The following HDAC9 variants were observed in gnomAD, a reference collection of about 807,000 sequenced individuals.
The protein encoded by HDAC9 is histone deacetylase 9.
A neutral mutation model predicts 139.4 loss-of-function variants in HDAC9; 41 were observed. That is an observed-to-expected ratio of 0.29 (90% CI 0.23 to 0.38). The LOEUF (loss-of-function observed/expected upper bound fraction) is 0.38, where lower values mean the gene tolerates loss of function less well. Ranked by LOEUF, HDAC9 falls within the 10% of genes least tolerant of loss-of-function variation. The probability of loss-of-function intolerance (pLI) is 1.00; values close to 1 mark genes in which losing one functional copy is unlikely to be tolerated. For synonymous variants in HDAC9, 517 were observed against 476.2 expected (o/e 1.09, Z -1.12); for missense variants, 1,147 against 1,297.0 (o/e 0.88, Z 1.78).
chr7:18,393,499 T>C (rs1469489102), intron 1 of HDAC9, among the ~76,000 whole-genome samples: 1 of 152,118 alleles, frequency 6.6e-6, no homozygotes, highest in Non-Finnish European at 1.5e-5. Context: ...TTTGAAATAT[T>C]TCTAGGTTTA....
At chr7:18,181,457 C>A (rs1366507988) in intron 2 of HDAC9, among the ~76,000 whole-genome samples, 3 of 152,130 alleles carry the variant, frequency 2.0e-5, no homozygotes, top group African/African-American at 7.2e-5. Context: ...TTGCACAGTT[C>A]TGGAGCACAA....
At chr7:18,385,861 A>G (rs765531488) in intron 1 of HDAC9, among the ~76,000 whole-genome samples, 42 of 152,238 alleles carry the variant, frequency 2.8e-4, no homozygotes, top group Non-Finnish European at 5.3e-4. Context: ...AGTATGTTAT[A>G]GAGTGGACGA....
At chr7:18,473,204 T>C (rs1025152343) in intron 1 of HDAC9, among the ~76,000 whole-genome samples, 6 of 152,208 alleles carry the variant, frequency 3.9e-5, no homozygotes, top group African/African-American at 1.2e-4. Flanking sequence ...TTTATACCCA[T>C]GTTCTTTTGT....
chr7:18,684,519 A>G (rs1011994949), intron 12 of HDAC9, among the ~76,000 whole-genome samples: 7 of 151,946 alleles, frequency 4.6e-5, no homozygotes, highest in African/African-American at 1.7e-4. Context: ...AAAAGGCTTT[A>G]ATACACCAAC....
intron 2 of HDAC9, among the ~76,000 whole-genome samples, chr7:18,522,628 AC>A (rs962974786): frequency 1.5e-4 from 23 of 151,996 alleles, no homozygotes; most frequent in Admixed American, 5.9e-4. Flanking sequence ...AAAAAAAAAA[AC>A]ATCTAATGAG....
intron 1 of HDAC9, among the ~76,000 whole-genome samples, chr7:18,095,674 T>C (rs1220047156): frequency 6.6e-6 from 1 of 152,184 alleles, no homozygotes; most frequent in African/African-American, 2.4e-5. Flanking sequence ...CTTAGGTATA[T>C]AGGAACATAA....
intron 2 of HDAC9, among the ~76,000 whole-genome samples, chr7:18,542,644 T>C (rs994137239): frequency 6.6e-6 from 1 of 152,190 alleles, no homozygotes; most frequent in Non-Finnish European, 1.5e-5. Flanking sequence ...CATCATGATA[T>C]ATAAATCTAT....
intron 1 of HDAC9, among the ~76,000 whole-genome samples, chr7:18,091,685 G>A (rs1230909598): frequency 6.6e-6 from 1 of 152,142 alleles, no homozygotes; most frequent in Non-Finnish European, 1.5e-5. Flanking sequence ...AGCTCAACTA[G>A]GTCCTCTGGC....
At chr7:18,348,172 C>A (rs1157992966) in intron 1 of HDAC9, among the ~76,000 whole-genome samples, 1 of 152,066 alleles carries the variant, frequency 6.6e-6, no homozygotes, top group Non-Finnish European at 1.5e-5. Flanking sequence ...GCACAAGCAC[C>A]CCAGGTAATT....
At chr7:18,527,872 G>T (rs909624163) in intron 2 of HDAC9, among the ~76,000 whole-genome samples, 2 of 152,050 alleles carry the variant, frequency 1.3e-5, no homozygotes, top group African/African-American at 4.8e-5. Context: ...ACAGTTTACA[G>T]TTCTGTAAAA....
chr7:18,460,788 CAAA>C (rs750144894), intron 1 of HDAC9, among the ~76,000 whole-genome samples: 2 of 45,322 alleles, frequency 4.4e-5, no homozygotes, highest in African/African-American at 7.7e-5. Context: ...AACTCTGTCT[CAAA>C]AAAAAAAAAA....
chr7:18,973,835 A>G lies in HDAC9; in HGVS notation c.3023-1971A>G, dbSNP rs78947684. ...TGGTTTCCCACTTGGACTTTTGCCA[A>G]GATGTGAAATTGGTCTTCCTGCCCC... On this transcript the variant is annotated intron_variant, in intron 24 of 25. Coordinates refer to ENST00000686413, the MANE Select transcript of HDAC9 (RefSeq NM_178425.4). 9.0e-3 allele frequency among the ~76,000 whole-genome samples: 1,370 copies of G among 152,242 alleles called. 24 individuals carry two copies. The highest frequency in any genetic ancestry group is 0.032 in the African/African-American group (1,312 of 41,538).
chr7:18,954,207 T>A lies in HDAC9; in HGVS notation c.2999T>A (p.Leu1000Ter). Residue 1000 changes from leucine (L) to a stop codon, truncating the protein, a stop_gained, in exon 24 of 26, where the codon TTA (leucine) becomes TAA (stop). Transcript: ENST00000686413. LOFTEE classifies it high-confidence loss of function. ...CCGAATATGAATGCTGTTATTTCTTTACAGAAGATCATTGAAATTCAAAGT... is the reference window on the plus strand; with the variant it reads ...CCGAATATGAATGCTGTTATTTCTTAACAGAAGATCATTGAAATTCAAAGT... ...QSPNMNAVISLQKIIEIQSKY... is the reference protein window; with the variant it reads ...QSPNMNAVIS 1 of 1,548,050 alleles carries A rather than the reference T, an allele frequency of 6.5e-7. No individual in the cohort carries two copies. Among genetic ancestry groups the A allele is most frequent in the Non-Finnish European group, 8.8e-7 (1 of 1,132,862 alleles).
intron 13 of HDAC9, among the ~76,000 whole-genome samples, chr7:18,746,266 AT>A (rs566638907): frequency 1.3e-5 from 2 of 152,200 alleles, no homozygotes; most frequent in Non-Finnish European, 2.9e-5. Flanking sequence ...GTTGAAAAAA[AT>A]GTTAAACAGT....
At position 18,322,638 on chromosome 7, in the gene HDAC9, A is replaced by C. The variant is rs1001350019; in HGVS notation, c.-42+32123A>C. 3.3e-5 allele frequency among the ~76,000 whole-genome samples: 5 copies of C among 152,206 alleles called. No individual in the cohort carries two copies. In the South Asian group the frequency reaches 1.0e-3, roughly 31 times the overall value. ...CCTCTACAGTATGCTGGTGAGGATCATGCTGATTGCCGATTGGCAGGGGCA... is the reference window on the plus strand; with the variant it reads ...CCTCTACAGTATGCTGGTGAGGATCCTGCTGATTGCCGATTGGCAGGGGCA... On this transcript the variant is annotated intron_variant, in intron 1 of 3. Coordinates refer to the HDAC9 transcript ENST00000413509.
intron 13 of HDAC9, among the ~76,000 whole-genome samples, chr7:18,732,907 GCGTATGTGTATACACACGTGTGTA>G (rs1786396741): frequency 1.1e-5 from 1 of 87,472 alleles, no homozygotes; most frequent in African/African-American, 8.0e-5. Flanking sequence ...ACACACGTGT[GCGTATGTGTATACACACGTGTGTA>G]TGTATGTGTA....
intron 5 of HDAC9, among the ~76,000 whole-genome samples, chr7:18,592,027 A>G (rs1339619996): frequency 6.6e-6 from 1 of 152,168 alleles, no homozygotes; most frequent in Non-Finnish European, 1.5e-5. Context: ...TTTGGTATCT[A>G]TATAGTAATT....
chr7:18,168,570 C>CTG (rs765949434), intron 2 of HDAC9, among the ~76,000 whole-genome samples: 178 of 149,502 alleles, frequency 1.2e-3, no homozygotes, highest in East Asian at 4.9e-3. Context: ...GTGTGTGTGT[C>CTG]TGTGTGTGTG....
At chr7:18,896,605 G>A (rs1180915942) in intron 22 of HDAC9, among the ~76,000 whole-genome samples, 1 of 151,934 alleles carries the variant, frequency 6.6e-6, no homozygotes, top group Non-Finnish European at 1.5e-5. Context: ...TTTCATTCTT[G>A]GGCATGATCT....
Sources: gnomAD v4.1 joint callset for allele counts (sites outside exome capture counted in the v4.1 genomes callset) on GRCh38, gnomAD v4.1.1 for gene constraint, MANE v1.5 for transcripts, NCBI Gene and HGNC (gene_info 2026-07-23, HGNC 2026-07-21) for gene names.